The following ERBB4 variants were observed in gnomAD, a reference collection of about 807,000 sequenced individuals.
ERBB4 encodes receptor tyrosine-protein kinase erbB-4.
A neutral mutation model predicts 158.0 loss-of-function variants in ERBB4; 42 were observed. The observed-to-expected ratio is 0.27, with a 90% CI of 0.21 to 0.34. The LOEUF (loss-of-function observed/expected upper bound fraction) is 0.34, where lower values mean the gene tolerates loss of function less well. ERBB4 is among the 10% of genes least tolerant of loss of function. The probability of loss-of-function intolerance (pLI) is 1.00; values close to 1 mark genes in which losing one functional copy is unlikely to be tolerated. For synonymous variants in ERBB4, 583 were observed against 558.7 expected (o/e 1.04, Z -0.61); for missense variants, 1,333 against 1,624.1 (o/e 0.82, Z 3.08).
intron 16 of ERBB4, among the ~76,000 whole-genome samples, chr2:211,647,186 CTCT>C (rs1182942503): frequency 6.6e-6 from 1 of 151,446 alleles, no homozygotes; most frequent in Non-Finnish European, 1.5e-5. Context: ...TTCCTCTTAA[CTCT>C]TCTTTTTTTT....
intron 19 of ERBB4, among the ~76,000 whole-genome samples, chr2:211,604,306 TTG>T (rs1468303908): frequency 6.6e-6 from 1 of 152,236 alleles, no homozygotes; most frequent in Non-Finnish European, 1.5e-5. Flanking sequence ...ATTTTTGCGT[TTG>T]TTTCCTGTTT....
chr2:211,536,233 C>CA (rs2066649119), intron 20 of ERBB4, among the ~76,000 whole-genome samples: 1 of 152,054 alleles, frequency 6.6e-6, no homozygotes, highest in Non-Finnish European at 1.5e-5. Flanking sequence ...AGGAATCAAT[C>CA]AGTTTAACCC....
In ERBB4 at chr2:212,523,250, T is replaced by G. The variant is rs188753855; in HGVS notation, c.82+15199A>C. Among the ~76,000 whole-genome samples the G allele has an allele frequency of 4.6e-3, 696 of 152,074 alleles. 21 individuals are homozygous for G. The highest frequency in any genetic ancestry group is 0.04 in the Admixed American group (611 of 15,210). Reference sequence around the variant, plus strand: ...TTTCCCTAGGAAAGTGCTTCTCTTTTGCTGTTATTTCTTAACATTTTATCT... The same window carrying G: ...TTTCCCTAGGAAAGTGCTTCTCTTTGGCTGTTATTTCTTAACATTTTATCT... On this transcript the variant is annotated intron_variant, in intron 1 of 27. Coordinates refer to ENST00000342788, the MANE Select transcript of ERBB4 (RefSeq NM_005235.3).
chr2:212,073,581 T>C lies in ERBB4; in HGVS notation c.234+51171A>G, dbSNP rs144869631. On this transcript the variant is annotated intron_variant, in intron 2 of 27. Coordinates refer to ENST00000342788, the MANE Select transcript of ERBB4 (RefSeq NM_005235.3). ...ACACTAGTTCTCATTCACCTGATAGTGTCTCCCATTGGCTAAATACAACTG... is the reference window on the plus strand; with the variant it reads ...ACACTAGTTCTCATTCACCTGATAGCGTCTCCCATTGGCTAAATACAACTG... 1.6e-3 allele frequency among the ~76,000 whole-genome samples: 240 copies of C among 152,082 alleles called. 7 individuals carry two copies. The South Asian group carries it at 0.049, about 31-fold the overall frequency.
intron 20 of ERBB4, among the ~76,000 whole-genome samples, chr2:211,431,782 T>C (rs1289357400): frequency 2.0e-5 from 3 of 152,172 alleles, no homozygotes; most frequent in Non-Finnish European, 2.9e-5. Context: ...TTTAATATTT[T>C]ACCTTTATAA....
chr2:212,067,957 A>G (rs2077993430), intron 2 of ERBB4, among the ~76,000 whole-genome samples: 1 of 152,088 alleles, frequency 6.6e-6, no homozygotes, highest in African/African-American at 2.4e-5. Context: ...TACATTGGGT[A>G]CTATATAGAC....
chr2:212,499,500 A>G (rs545765686), intron 1 of ERBB4, among the ~76,000 whole-genome samples: 28 of 152,260 alleles, frequency 1.8e-4, no homozygotes, highest in African/African-American at 6.5e-4. Context: ...ATAATTATTT[A>G]GAGACATGAG....
At chr2:211,878,593 A>C (rs1197401041) in intron 3 of ERBB4, among the ~76,000 whole-genome samples, 1 of 152,018 alleles carries the variant, frequency 6.6e-6, no homozygotes, top group Non-Finnish European at 1.5e-5. Flanking sequence ...TGAATATTTT[A>C]AACATGGCAT....
At position 211,793,121 on chromosome 2, in the gene ERBB4, T is replaced by C. The variant is rs990985041; in HGVS notation, c.422-4962A>G. 5.3e-5 allele frequency among the ~76,000 whole-genome samples: 8 copies of C among 152,060 alleles called. No individual in the cohort carries two copies. The East Asian group carries it at 5.8e-4, about 11-fold the overall frequency. On this transcript the variant is annotated intron_variant, in intron 3 of 27. Transcript: ENST00000342788. ...TTGCATGGACCCCATGCACAATTTG[T>C]AACCATTTTGTGAATAAGATTGAAT...
chr2:212,287,894 G>A (rs777277039), intron 1 of ERBB4, among the ~76,000 whole-genome samples: 9 of 152,054 alleles, frequency 5.9e-5, no homozygotes, highest in Non-Finnish European at 1.2e-4. Context: ...CACGCACTGG[G>A]GCCTTTTGGA....
At chr2:212,136,776 T>A (rs1213867252) in intron 1 of ERBB4, among the ~76,000 whole-genome samples, 4 of 152,268 alleles carry the variant, frequency 2.6e-5, no homozygotes, top group South Asian at 2.1e-4. Flanking sequence ...AAAAGAAAAG[T>A]CTGTGAATGT....
At chr2:212,499,705 G>A (rs1191946755) in intron 1 of ERBB4, among the ~76,000 whole-genome samples, 3 of 152,078 alleles carry the variant, frequency 2.0e-5, no homozygotes, top group Non-Finnish European at 4.4e-5. Context: ...TTGAAGTGGT[G>A]GTTCCCTTGG....
At chr2:211,435,955 TTTTC>T (rs1177297030) in intron 20 of ERBB4, among the ~76,000 whole-genome samples, 4 of 95,570 alleles carry the variant, frequency 4.2e-5, no homozygotes, top group Admixed American at 1.0e-4. Context: ...TACAGTTTTG[TTTTC>T]TTTGTTTTTT....
At chr2:212,282,966 A>T (rs2085814946) in intron 1 of ERBB4, among the ~76,000 whole-genome samples, 2 of 151,886 alleles carry the variant, frequency 1.3e-5, no homozygotes. Flanking sequence ...TACCACCTAT[A>T]TTTTTGGGTC....
chr2:212,534,232 G>T (rs1465281941), intron 1 of ERBB4, among the ~76,000 whole-genome samples: 1 of 152,136 alleles, frequency 6.6e-6, no homozygotes, highest in East Asian at 1.9e-4. Context: ...TCAATTTATT[G>T]TCTAAAATAT....
Position 211,923,712 on chromosome 2 carries a change from G to GTTGTATTGTA in ERBB4, c.421+23708_421+23717dup, listed in dbSNP as rs113673706. Among the ~76,000 whole-genome samples, 402 of 151,672 alleles carry GTTGTATTGTA rather than the reference G, an allele frequency of 2.7e-3. 2 individuals are homozygous for GTTGTATTGTA. Among genetic ancestry groups the GTTGTATTGTA allele is most frequent in the African/African-American group, 7.0e-3 (290 of 41,142 alleles). ...TTTTTAGAGGTTGCTCATAATCTAA[G>GTTGTATTGTA]TTGTATTGTATTGTATTGTATTGTA... On this transcript the variant is annotated intron_variant, in intron 3 of 27. Coordinates refer to ENST00000342788, the MANE Select transcript of ERBB4 (RefSeq NM_005235.3).
At chr2:211,644,585 A>G (rs1162408089) in intron 16 of ERBB4, among the ~76,000 whole-genome samples, 3 of 152,040 alleles carry the variant, frequency 2.0e-5, no homozygotes, top group Non-Finnish European at 4.4e-5. Flanking sequence ...AAAAACCCAC[A>G]TCTACATGAA....
intron 1 of ERBB4, among the ~76,000 whole-genome samples, chr2:212,310,546 G>A (rs938321819): frequency 6.7e-6 from 1 of 150,012 alleles, no homozygotes; most frequent in Non-Finnish European, 1.5e-5. Context: ...TCTGGCAGCT[G>A]TTCCCTAAGT....
At chr2:212,414,301 G>T (rs1574874273) in intron 1 of ERBB4, among the ~76,000 whole-genome samples, 1 of 152,082 alleles carries the variant, frequency 6.6e-6, no homozygotes, top group Non-Finnish European at 1.5e-5. Flanking sequence ...TTAGTGAAAG[G>T]CTACAAAATT....
Sources: gnomAD v4.1 joint callset for allele counts (sites outside exome capture counted in the v4.1 genomes callset) on GRCh38, gnomAD v4.1.1 for gene constraint, MANE v1.5 for transcripts, NCBI Gene and HGNC (gene_info 2026-07-23, HGNC 2026-07-21) for gene names.